The following EFCAB6 variants were observed in gnomAD, a reference collection of about 807,000 sequenced individuals.
The protein encoded by EFCAB6 is EF-hand calcium binding domain 6.
A neutral mutation model predicts 169.8 loss-of-function variants in EFCAB6; 156 were observed. That is an observed-to-expected ratio of 0.92 (90% CI 0.81 to 1.05). The LOEUF (loss-of-function observed/expected upper bound fraction) is 1.05. Ranked by LOEUF, EFCAB6 falls within the 50% of genes least tolerant of loss-of-function variation. The probability of loss-of-function intolerance (pLI) is 0.00; values close to 1 mark genes in which losing one functional copy is unlikely to be tolerated. For missense variants in EFCAB6, 1,800 were observed against 1,829.1 expected (o/e 0.98, Z 0.29); for synonymous variants, 698 against 676.4 (o/e 1.03, Z -0.50).
rs981061149 is a variant in EFCAB6 at position 43,638,997 on chromosome 22, C to T, written c.1984-3781G>A. 2.6e-5 allele frequency among the ~76,000 whole-genome samples: 4 copies of T among 151,848 alleles called. No individual in the cohort carries two copies. The East Asian group carries it at 7.8e-4, about 30-fold the overall frequency. On this transcript the variant is annotated intron_variant, in intron 17 of 31. Transcript: ENST00000262726. The stretch of plus-strand genomic sequence containing the variant: ...ATGGGGTTTCTCCATGTTGATCAGG[C>T]TGGTCTCGAACTCCTGACCTCAGGT...
intron 29 of EFCAB6, chr22:43,536,323 G>A (rs1278332907): frequency 6.6e-6 from 1 of 152,118 alleles, no homozygotes; most frequent in Non-Finnish European, 1.5e-5. Flanking sequence ...TAATTTACAA[G>A]TGTTTTTTAA....
chr22:43,587,788 T>C (rs551167422), intron 24 of EFCAB6, among the ~76,000 whole-genome samples: 2 of 152,330 alleles, frequency 1.3e-5, no homozygotes, highest in East Asian at 3.9e-4. Flanking sequence ...GGAGGGATGA[T>C]TCAGCTTACC....
intron 2 of EFCAB6, among the ~76,000 whole-genome samples, chr22:43,799,971 A>G (rs1187277796): frequency 1.3e-5 from 2 of 152,064 alleles, no homozygotes; most frequent in African/African-American, 4.8e-5. Context: ...CTGGCAGGAG[A>G]CCTATCCCTG....
intron 20 of EFCAB6, among the ~76,000 whole-genome samples, chr22:43,621,937 G>A (rs1306424639): frequency 6.6e-6 from 1 of 152,172 alleles, no homozygotes; most frequent in Non-Finnish European, 1.5e-5. Flanking sequence ...TGACAACCTT[G>A]ATGACCAATA....
At chr22:43,696,780 G>A (rs945002872) in intron 10 of EFCAB6, among the ~76,000 whole-genome samples, 2 of 152,180 alleles carry the variant, frequency 1.3e-5, no homozygotes, top group Non-Finnish European at 2.9e-5. Context: ...CAAGTCAATG[G>A]TTGCCGGAGG....
At chr22:43,585,963 C>A (rs2051038006) in intron 24 of EFCAB6, among the ~76,000 whole-genome samples, 2 of 152,084 alleles carry the variant, frequency 1.3e-5, no homozygotes, top group Non-Finnish European at 2.9e-5. Context: ...CTTTCTCAGA[C>A]AAATAAAACT....
chr22:43,535,249 T>C, intron 29 of EFCAB6: 1 of 184,704 alleles, frequency 5.4e-6, no homozygotes, highest in Non-Finnish European at 1.1e-5. Context: ...TGAGCCTGGC[T>C]GGGGCTGGAC....
chr22:43,783,640 C>T (rs537348591), intron 2 of EFCAB6, among the ~76,000 whole-genome samples: 1 of 152,146 alleles, frequency 6.6e-6, no homozygotes, highest in East Asian at 1.9e-4. Flanking sequence ...CCATATATAA[C>T]AAAGAATACA....
rs35328403 is a variant in EFCAB6, at chr22:43,671,991, G to A, written c.1622C>T (p.Thr541Met). 1.1e-3 allele frequency: 1,696 copies of A among 1,612,760 alleles called. 17 individuals carry two copies. In the African/African-American group the frequency reaches 0.02, roughly 19 times the overall value. Residue 541 changes from threonine to methionine, a missense_variant, in exon 15 of 32, where the codon ACG becomes ATG. Transcript: ENST00000262726. ...AACTTACTTTATGAAATGTGCATTC[G>A]TTAAAAATGGACAGAAGACGTGCAT... Reference protein sequence around the residue: ...KIMHVFCPFLTNAHFIKLCSK... With the variant: ...KIMHVFCPFLMNAHFIKLCSK...
intron 8 of EFCAB6, among the ~76,000 whole-genome samples, chr22:43,721,227 T>C (rs1011538765): frequency 1.3e-5 from 2 of 152,118 alleles, no homozygotes; most frequent in Non-Finnish European, 2.9e-5. Flanking sequence ...AAACTAGAGA[T>C]GACACAAATA....
chr22:43,603,761 A>T (rs552822394), intron 22 of EFCAB6, among the ~76,000 whole-genome samples: 4 of 152,370 alleles, frequency 2.6e-5, no homozygotes, highest in South Asian at 2.1e-4. Flanking sequence ...GGACACAAGG[A>T]ATTCTCTCAG....
At chr22:43,622,958 A>G (rs1049409224) in intron 20 of EFCAB6, among the ~76,000 whole-genome samples, 7 of 152,254 alleles carry the variant, frequency 4.6e-5, no homozygotes, top group African/African-American at 1.4e-4. Context: ...GCAGCTGGAA[A>G]TTCAGAATTC....
At chr22:43,601,421 G>C (rs1239373608) in intron 22 of EFCAB6, among the ~76,000 whole-genome samples, 1 of 152,226 alleles carries the variant, frequency 6.6e-6, no homozygotes, top group Non-Finnish European at 1.5e-5. Context: ...ATTTTCCCCA[G>C]ATGAACTCAG....
At chr22:43,566,635 T>C (rs760609855) in intron 26 of EFCAB6, among the ~76,000 whole-genome samples, 5 of 152,144 alleles carry the variant, frequency 3.3e-5, no homozygotes, top group Non-Finnish European at 5.9e-5. Context: ...TCCAAAGCCA[T>C]GCTCCTCCGA....
Position 43,782,296 on chromosome 22 carries a change from G to A in EFCAB6, c.23C>T (p.Pro8Leu), listed in dbSNP as rs1347601961. 1 of 1,613,406 alleles carries A rather than the reference G, an allele frequency of 6.2e-7. No homozygotes were observed. Among genetic ancestry groups the A allele is most frequent in the Non-Finnish European group, 8.5e-7 (1 of 1,179,838 alleles). The change falls in exon 3 of 32, where the codon CCA (proline) becomes CTA (leucine). Residue 8 changes from proline (P) to leucine (L), a missense_variant. Physicochemically the swap from Pro to Leu is moderately conservative, Grantham distance 98. Coordinates refer to ENST00000262726, the MANE Select transcript of EFCAB6 (RefSeq NM_022785.4). Reference sequence around the variant, plus strand: ...GTGAGGATGCGACCTAAGCCAGTCTGGTATAATCGCCATTTTGCACATTAA... The same window carrying A: ...GTGAGGATGCGACCTAAGCCAGTCTAGTATAATCGCCATTTTGCACATTAA... MCKMAII[P>L]DWLRSHPHTR...
At chr22:43,651,079 A>G (rs1330571345) in intron 17 of EFCAB6, among the ~76,000 whole-genome samples, 1 of 152,266 alleles carries the variant, frequency 6.6e-6, no homozygotes, top group Non-Finnish European at 1.5e-5. Flanking sequence ...AGAAATGTGC[A>G]TAAGTAACGA....
intron 17 of EFCAB6, among the ~76,000 whole-genome samples, chr22:43,650,410 C>T (rs923025374): frequency 6.6e-6 from 1 of 152,242 alleles, no homozygotes; most frequent in Non-Finnish European, 1.5e-5. Context: ...GAGACTTCCT[C>T]CTCCTTGCCT....
chr22:43,588,871 G>A (rs947907512), intron 24 of EFCAB6, among the ~76,000 whole-genome samples: 1 of 152,118 alleles, frequency 6.6e-6, no homozygotes, highest in Non-Finnish European at 1.5e-5. Flanking sequence ...GAAAAGTGAT[G>A]AGCTAGTCAC....
At chr22:43,760,816 C>A (rs2061138112) in intron 5 of EFCAB6, among the ~76,000 whole-genome samples, 1 of 152,176 alleles carries the variant, frequency 6.6e-6, no homozygotes, top group East Asian at 1.9e-4. Flanking sequence ...GCACGCGCCA[C>A]CACATGCGGC....
Sources: allele counts gnomAD v4.1 joint callset (sites outside exome capture counted in the v4.1 genomes callset), GRCh38; gene constraint gnomAD v4.1.1; transcripts MANE v1.5; gene names NCBI Gene and HGNC (gene_info 2026-07-23, HGNC 2026-07-21).